C14orf132: variants seen among roughly 807,000 people sequenced by gnomAD.
The protein encoded by C14orf132 is chromosome 14 open reading frame 132.
In C14orf132, 6 loss-of-function variants were observed where a neutral mutation model predicts 5.8. The ratio of observed to expected loss-of-function variants is 1.03; its 90% CI spans 0.57 to 2.04. The LOEUF is 2.04. Ranked by LOEUF, C14orf132 falls within the 30% of genes most tolerant of loss-of-function variation. C14orf132 has a pLI of 0.00. For synonymous variants in C14orf132, 51 were observed against 49.8 expected, an observed-to-expected ratio of 1.02 and a Z score of -0.10; for missense variants, 125 against 115.8, an observed-to-expected ratio of 1.08 and a Z score of -0.37.
chr14:96,044,278 A>T (rs1179246983), intron 1 of C14orf132, among the ~76,000 whole-genome samples: 1 of 152,196 alleles, frequency 6.6e-6, no homozygotes, highest in African/African-American at 2.4e-5. Flanking sequence ...GGCTGAAGCA[A>T]TCTGCCCACC....
At chr14:96,040,225 C>G (rs1209662497) in intron 1 of C14orf132, 1 of 387,514 alleles carries the variant, frequency 2.6e-6, no homozygotes, top group Non-Finnish European at 4.6e-6. Flanking sequence ...CCCTGGAGTT[C>G]TGAGCTTGGG....
chr14:96,051,264 A>T (rs1485241013), intron 1 of C14orf132: 2 of 398,504 alleles, frequency 5.0e-6, no homozygotes, highest in African/African-American at 2.1e-5. Flanking sequence ...TGAGGGAGCC[A>T]GTCTTTGATT....
intron 1 of C14orf132, among the ~76,000 whole-genome samples, chr14:96,078,940 C>T (rs948939680): frequency 6.6e-6 from 1 of 152,270 alleles, no homozygotes; most frequent in Non-Finnish European, 1.5e-5. Flanking sequence ...TTCAGCCCTC[C>T]CCGTCAGAGG....
In C14orf132 at chr14:96,091,809, C is replaced by T. The variant is rs1254385679; in HGVS notation, c.*5074C>T. 6.8e-6 allele frequency: 1 copy of T among 146,540 alleles called. No individual in the cohort carries two copies. Among genetic ancestry groups the T allele is most frequent in the Non-Finnish European group, 1.5e-5 (1 of 66,936 alleles). 9.1% of individuals were successfully genotyped at this position (146,540 alleles called of 1,614,324 possible). A position where few individuals can be genotyped will look rare whatever the true frequency, so the allele number is the denominator to read the frequency against. On this transcript the variant is annotated 3_prime_UTR_variant, in exon 2 of 2. Transcript: ENST00000555004. The stretch of plus-strand genomic sequence containing the variant: ...GAGGAGAAGGTGGTTGAACTGAGTA[C>T]TGAGAACCCAGAGGACAGAGCCCAC...
chr14:96,048,391 A>C (rs1039482094), intron 1 of C14orf132, among the ~76,000 whole-genome samples: 2 of 152,108 alleles, frequency 1.3e-5, no homozygotes, highest in South Asian at 2.1e-4. Context: ...TCTTTCTACT[A>C]TCTTCACAGT....
intron 1 of C14orf132, among the ~76,000 whole-genome samples, chr14:96,070,609 C>G (rs1168417454): frequency 2.6e-5 from 4 of 151,212 alleles, no homozygotes; most frequent in Non-Finnish European, 5.9e-5. Context: ...CACACACACA[C>G]ACACACACAC....
chr14:96,044,140 CG>C (rs1555383732), intron 1 of C14orf132, among the ~76,000 whole-genome samples: 1 of 152,128 alleles, frequency 6.6e-6, no homozygotes, highest in Non-Finnish European at 1.5e-5. Context: ...TCCATCCAGG[CG>C]GTTGTGTTTG....
intron 1 of C14orf132, among the ~76,000 whole-genome samples, chr14:96,069,201 ATGT>A (rs1449056360): frequency 7.7e-6 from 1 of 129,814 alleles, no homozygotes; most frequent in Non-Finnish European, 1.7e-5. Flanking sequence ...ATATGTATAT[ATGT>A]TATTGGTTCT....
chr14:96,069,853 C>G (rs541715279), intron 1 of C14orf132, among the ~76,000 whole-genome samples: 78 of 152,312 alleles, frequency 5.1e-4, no homozygotes, highest in African/African-American at 1.7e-3. Flanking sequence ...ACCAACCAAC[C>G]TTTATTTTTA....
In C14orf132 at chr14:96,064,361, TATACAC is replaced by T. The variant is rs1290915172; in HGVS notation, c.28-22148_28-22143del. Among the ~76,000 whole-genome samples, 15 of 97,868 alleles carry T rather than the reference TATACAC, an allele frequency of 1.5e-4. No homozygotes were observed. In the East Asian group the frequency reaches 3.2e-3, roughly 21 times the overall value. The allele number at this position is 97,868 out of a possible 152,430, so 64.2% of individuals were successfully genotyped here. A position where few individuals can be genotyped will look rare whatever the true frequency, so the allele number is the denominator to read the frequency against. ...GTGGATAAAGAAACTAGGGTGCATATATACACACACACACACACACACACACACACA... is the reference window on the plus strand; with the variant it reads ...GTGGATAAAGAAACTAGGGTGCATATACACACACACACACACACACACACA... On this transcript the variant is annotated intron_variant, in intron 1 of 1. Transcript: ENST00000555004.
chr14:96,047,833 C>A (rs999123171), intron 1 of C14orf132, among the ~76,000 whole-genome samples: 11 of 152,214 alleles, frequency 7.2e-5, no homozygotes, highest in Non-Finnish European at 1.3e-4. Flanking sequence ...CTTCCACCAT[C>A]AGCATCCCCA....
chr14:96,051,630 C>T (rs1187311929), intron 1 of C14orf132, among the ~76,000 whole-genome samples: 1 of 152,202 alleles, frequency 6.6e-6, no homozygotes, highest in South Asian at 2.1e-4. Context: ...TCCCAGGCAC[C>T]CTGAAACCGT....
rs905595733 is a variant in C14orf132 at position 96,064,361 on chromosome 14, T to C, written c.28-22150T>C. Reference sequence around the variant, plus strand: ...GTGGATAAAGAAACTAGGGTGCATATATACACACACACACACACACACACA... The same window carrying C: ...GTGGATAAAGAAACTAGGGTGCATACATACACACACACACACACACACACA... On this transcript the variant is annotated intron_variant, in intron 1 of 1. Transcript: ENST00000555004. Among the ~76,000 whole-genome samples the C allele has an allele frequency of 1.5e-3, 143 of 97,864 alleles. 1 individual carries two copies. The highest frequency in any genetic ancestry group is 5.5e-3 in the South Asian group (16 of 2,934). 64.2% of individuals were successfully genotyped at this position (97,864 alleles called of 152,430 possible). A position where few individuals can be genotyped will look rare whatever the true frequency, so the allele number is the denominator to read the frequency against.
At chr14:96,052,361 C>T (rs1190993049) in intron 1 of C14orf132, among the ~76,000 whole-genome samples, 3 of 152,210 alleles carry the variant, frequency 2.0e-5, no homozygotes, top group Non-Finnish European at 2.9e-5. Flanking sequence ...TTGAGAGGGG[C>T]GTTGGAGGAC....
At chr14:96,053,136 CT>C (rs1463651423) in intron 1 of C14orf132, among the ~76,000 whole-genome samples, 2 of 152,152 alleles carry the variant, frequency 1.3e-5, no homozygotes, top group East Asian at 3.8e-4. Flanking sequence ...AGCCCAGAGG[CT>C]TTTTGGATCT....
rs968327688 is a variant in C14orf132 at position 96,090,207 on chromosome 14, CA to C, written c.*3473del. On this transcript the variant is annotated 3_prime_UTR_variant, in exon 2 of 2. Coordinates refer to ENST00000555004, the MANE Select transcript of C14orf132 (RefSeq NM_001252507.3). The stretch of plus-strand genomic sequence containing the variant: ...AGGAGTTCAAGACCAGCCTGGCCAA[CA>C]TGGTGAAACCCTGTCTCTACAAAAA... 6.0e-6 allele frequency: 1 copy of C among 166,194 alleles called. No homozygotes were observed. Among genetic ancestry groups the C allele is most frequent in the African/African-American group, 2.4e-5 (1 of 41,480 alleles). 10.3% of individuals were successfully genotyped at this position (166,194 alleles called of 1,614,324 possible). A position where few individuals can be genotyped will look rare whatever the true frequency, so the allele number is the denominator to read the frequency against.
At chr14:96,065,279 G>A (rs1156872009) in intron 1 of C14orf132, among the ~76,000 whole-genome samples, 1 of 152,150 alleles carries the variant, frequency 6.6e-6, no homozygotes, top group East Asian at 1.9e-4. Flanking sequence ...GGAGACTATA[G>A]CATTTTAGAA....
intron 1 of C14orf132, among the ~76,000 whole-genome samples, chr14:96,048,143 G>A (rs575572090): frequency 3.3e-5 from 5 of 152,232 alleles, no homozygotes; most frequent in Admixed American, 1.3e-4. Flanking sequence ...AGCTGAGATC[G>A]AGCCATTGCA....
At chr14:96,054,977 C>T (rs1887136048) in intron 1 of C14orf132, among the ~76,000 whole-genome samples, 2 of 152,214 alleles carry the variant, frequency 1.3e-5, no homozygotes, top group African/African-American at 2.4e-5. Context: ...GTCTCTCCTC[C>T]AGGATTTTTA....
Sources: gnomAD v4.1 joint callset for allele counts (sites outside exome capture counted in the v4.1 genomes callset) on GRCh38, gnomAD v4.1.1 for gene constraint, MANE v1.5 for transcripts, NCBI Gene and HGNC (gene_info 2026-07-23, HGNC 2026-07-21) for gene names.